Variants in TSPAN31 observed in about 807,000 individuals in gnomAD.
The protein encoded by TSPAN31 is tetraspanin 31, also known as tetraspanin-31.
Under a neutral mutation model 24.8 loss-of-function variants are expected in TSPAN31, and 16 were observed. The ratio of observed to expected loss-of-function variants is 0.64; its 90% confidence interval spans 0.44 to 0.98. TSPAN31 has a LOEUF of 0.98. Among genes scored for constraint, TSPAN31 ranks in the 50% least tolerant of loss-of-function variants. The pLI, the probability that TSPAN31 is intolerant of heterozygous loss-of-function variation, is 0.00. For synonymous variants in TSPAN31, 87 were observed against 91.4 expected, an observed-to-expected ratio of 0.95 and a Z score of 0.27; for missense variants, 209 against 251.6, an observed-to-expected ratio of 0.83 and a Z score of 1.15.
At chr12:57,746,000 G>C (rs1232409783) in intron 2 of TSPAN31, 88 bp downstream of exon 2, 13 of 1,511,170 alleles carry the variant, frequency 8.6e-6, no homozygotes, top group African/African-American at 1.4e-5. Flanking sequence ...GGACCTCAGG[G>C]ATCTTGGACA....
At chr12:57,745,298 G>C in intron 1 of TSPAN31, 81 bp downstream of exon 1, 1 of 1,427,120 alleles carries the variant, frequency 7.0e-7, no homozygotes, top group Non-Finnish European at 9.6e-7. Context: ...GGTGGGGAGA[G>C]GGGTGTATGG....
At position 57,749,159 on chromosome 12, in the gene TSPAN31, G is replaced by A. The variant is rs2140382501; in HGVS notation, c.*1869G>A. ...TTCCCCAGTCTCTATTTCTTTCCCT[G>A]TGCCCACAGCCATCTCCAGTACCAG... On this transcript the variant is annotated 3_prime_UTR_variant, in exon 6 of 6. Transcript: ENST00000257910. The A allele has an allele frequency of 6.2e-7, 1 of 1,613,832 alleles. No homozygotes were observed. Among genetic ancestry groups the A allele is most frequent in the Non-Finnish European group, 8.5e-7 (1 of 1,179,770 alleles).
rs568048822 is a variant in TSPAN31 at position 57,745,803 on chromosome 12, C to G, written c.122C>G (p.Ser41Cys). The change falls in exon 2 of 6, where the codon TCC (serine) becomes TGC (cysteine). Residue 41 changes from serine to cysteine, a missense_variant. By Grantham distance (112) the Ser-to-Cys change is moderately radical. Coordinates refer to ENST00000257910, the MANE Select transcript of TSPAN31 (RefSeq NM_005981.5). ...AAWGKGLGLVSSIHIIGGVIA... is the reference protein window; with the variant it reads ...AAWGKGLGLVCSIHIIGGVIA... Reference sequence around the variant, plus strand: ...TGGGGCAAGGGCCTGGGTCTGGTGTCCAGCATCCACATCATCGGCGGAGTC... The same window carrying G: ...TGGGGCAAGGGCCTGGGTCTGGTGTGCAGCATCCACATCATCGGCGGAGTC... 1 of 1,613,932 alleles carries G rather than the reference C, an allele frequency of 6.2e-7. No individual in the cohort carries two copies. Among genetic ancestry groups the G allele is most frequent in the Non-Finnish European group, 8.5e-7 (1 of 1,179,978 alleles).
At chr12:57,746,950 T>C (rs1955162230) in intron 4 of TSPAN31, 68 bp from the exon 5 acceptor site, 2 of 1,447,464 alleles carry the variant, frequency 1.4e-6, no homozygotes, top group Non-Finnish European at 1.9e-6. Flanking sequence ...CTAGGGACAT[T>C]CGGCATAGGT....
Position 57,747,337 on chromosome 12 carries a change from C to T in TSPAN31, c.*47C>T, listed in dbSNP as rs1426101948. The T allele has an allele frequency of 1.3e-6, 2 of 1,568,882 alleles. No individual in the cohort carries two copies. The highest frequency in any genetic ancestry group is 3.4e-5 in the Admixed American group (2 of 59,318). On this transcript the variant is annotated 3_prime_UTR_variant, in exon 6 of 6. Coordinates refer to ENST00000257910, the MANE Select transcript of TSPAN31 (RefSeq NM_005981.5). Reference sequence around the variant, plus strand: ...TTCTTCTGCTCTCTCTAAGCTTTCTCTTCCTCCCTTAGGGAATATCTAGGG... The same window carrying T: ...TTCTTCTGCTCTCTCTAAGCTTTCTTTTCCTCCCTTAGGGAATATCTAGGG...
rs1955214240 is a variant in TSPAN31, at chr12:57,750,010, C to A, written c.*2720C>A. On this transcript the variant is annotated 3_prime_UTR_variant, in exon 6 of 6. Transcript: ENST00000257910. ...GACTCCATCTAAAAAAAAAAAAAGC[C>A]AGTCATGGTGGCGTGCACCTGTAGT... 1.2e-5 allele frequency: 2 copies of A among 170,904 alleles called. No individual in the cohort carries two copies. The allele number at this position is 170,904 out of a possible 1,614,324, so 10.6% of individuals were successfully genotyped here. A position where few individuals can be genotyped will look rare whatever the true frequency, so the allele number is the denominator to read the frequency against.
intron 3 of TSPAN31, 21 bp downstream of exon 3, chr12:57,746,277 GTACT>G (rs766521224): frequency 2.8e-5 from 45 of 1,605,364 alleles, no homozygotes; most frequent in Non-Finnish European, 3.4e-5. Flanking sequence ...ACCCTTTCAA[GTACT>G]TACTTGCTTT....
chr12:57,749,427 T>C lies in TSPAN31; in HGVS notation c.*2137T>C. 1 of 1,613,826 alleles carries C rather than the reference T, an allele frequency of 6.2e-7. No individual in the cohort carries two copies. The highest frequency in any genetic ancestry group is 8.5e-7 in the Non-Finnish European group (1 of 1,179,726). Reference sequence around the variant, plus strand: ...CAGAAAGAGGACTCAGAATAGAAAATCTTTTTCTCCCATGTTGGTCACTTA... The same window carrying C: ...CAGAAAGAGGACTCAGAATAGAAAACCTTTTTCTCCCATGTTGGTCACTTA... On this transcript the variant is annotated 3_prime_UTR_variant, in exon 6 of 6. Coordinates refer to ENST00000257910, the MANE Select transcript of TSPAN31 (RefSeq NM_005981.5).
Position 57,748,506 on chromosome 12 carries a change from A to G in TSPAN31, c.*1216A>G, listed in dbSNP as rs1172367214. ...GGAAATGGCAGCTTTTCTTCCTTCC[A>G]TGGCAGCCACTCCATTGCTCACTCC... On this transcript the variant is annotated 3_prime_UTR_variant, in exon 6 of 6. Transcript: ENST00000257910. The G allele has an allele frequency of 1.4e-5, 22 of 1,576,868 alleles. No homozygotes were observed. Among genetic ancestry groups the G allele is most frequent in the Non-Finnish European group, 1.4e-5 (16 of 1,146,396 alleles).
chr12:57,747,111 CTCT>C lies in TSPAN31; in HGVS notation c.543_545del (p.Phe182del). 1 of 1,614,110 alleles carries C rather than the reference CTCT, an allele frequency of 6.2e-7. No homozygotes were observed. Among genetic ancestry groups the C allele is most frequent in the Non-Finnish European group, 8.5e-7 (1 of 1,179,976 alleles). On this transcript the variant is annotated inframe_deletion, in exon 5 of 6. Transcript: ENST00000257910. ...CCTGAAAATCCTAGGGGGTGTTGGACTCTTCTTTAGCTTTACAGAGGTAACATT... is the reference window on the plus strand; with the variant it reads ...CCTGAAAATCCTAGGGGGTGTTGGACTCTTTAGCTTTACAGAGGTAACATT...
At chr12:57,746,324 C>A (rs561349383) in intron 3 of TSPAN31, 68 bp downstream of exon 3, 3 of 1,439,076 alleles carry the variant, frequency 2.1e-6, no homozygotes, top group Admixed American at 1.7e-5. Context: ...GAACTCCTTC[C>A]TTAGTCTGGC....
At position 57,749,526 on chromosome 12, in the gene TSPAN31, G is replaced by A. The variant is rs1955207107; in HGVS notation, c.*2236G>A. On this transcript the variant is annotated 3_prime_UTR_variant, in exon 6 of 6. Coordinates refer to ENST00000257910, the MANE Select transcript of TSPAN31 (RefSeq NM_005981.5). ...AGGCCTAAGGTGAGAAGGGATATAA[G>A]GTAGCAGTCATTTTCAAAGATATCT... is the stretch of plus-strand genomic sequence containing the variant. 3.1e-6 allele frequency: 5 copies of A among 1,612,324 alleles called. No homozygotes were observed. Among genetic ancestry groups the A allele is most frequent in the Non-Finnish European group, 4.2e-6 (5 of 1,178,340 alleles).
At chr12:57,746,955 A>G in intron 4 of TSPAN31, 63 bp from the exon 5 acceptor site, 5 of 1,463,160 alleles carry the variant, frequency 3.4e-6, no homozygotes, top group East Asian at 4.5e-5. Context: ...GACATTCGGC[A>G]TAGGTATTAG....
intron 1 of TSPAN31, 44 bp downstream of exon 1, chr12:57,745,261 C>A (rs1314063685): frequency 3.8e-6 from 6 of 1,588,150 alleles, no homozygotes; most frequent in Non-Finnish European, 5.1e-6. Context: ...GGAAAGGCCC[C>A]GTGGGGAGAA....
Position 57,745,874 on chromosome 12 carries a change from G to T in TSPAN31, c.193G>T (p.Val65Leu). 1 of 1,612,704 alleles carries T rather than the reference G, an allele frequency of 6.2e-7. No individual in the cohort carries two copies. The highest frequency in any genetic ancestry group is 2.2e-5 in the East Asian group (1 of 44,884). The change falls in exon 2 of 6, where the codon GTG (valine) becomes TTG (leucine). Residue 65 changes from valine (V) to leucine (L), a missense_variant. Coordinates refer to ENST00000257910, the MANE Select transcript of TSPAN31 (RefSeq NM_005981.5). ...TCTCCTTATTGCAGTGGCTGGACTG[G>T]TGGGTGCTGTCAACCACCACCAAGT... ...FLLLIAVAGL[V>L]GAVNHHQVLL...
chr12:57,747,531 G>T lies in TSPAN31; in HGVS notation c.*241G>T. ...CTCCAAGAGGATATGGGAAGCTTCTGTGAGTGCATAGGATGGGGGCTGGAG... is the reference window on the plus strand; with the variant it reads ...CTCCAAGAGGATATGGGAAGCTTCTTTGAGTGCATAGGATGGGGGCTGGAG... On this transcript the variant is annotated 3_prime_UTR_variant, in exon 6 of 6. Coordinates refer to ENST00000257910, the MANE Select transcript of TSPAN31 (RefSeq NM_005981.5). 2.2e-6 allele frequency: 1 copy of T among 464,952 alleles called. No individual in the cohort carries two copies. Among genetic ancestry groups the T allele is most frequent in the South Asian group, 2.6e-5 (1 of 38,900 alleles). 28.8% of individuals were successfully genotyped at this position (464,952 alleles called of 1,614,324 possible).
Position 57,745,197 on chromosome 12 carries a change from G to A in TSPAN31, c.43G>A (p.Ala15Thr), listed in dbSNP as rs753456818. 1 of 1,608,902 alleles carries A rather than the reference G, an allele frequency of 6.2e-7. No homozygotes were observed. The highest frequency in any genetic ancestry group is 1.3e-5 in the African/African-American group (1 of 74,852). The change falls in exon 1 of 6, where the codon GCT becomes ACT. Residue 15 changes from alanine (A) to threonine (T), a missense_variant. Transcript: ENST00000257910. ...GFACSKNALCALNVVYMLVSL... is the reference protein window; with the variant it reads ...GFACSKNALCTLNVVYMLVSL... ...TGCCTGCTCCAAGAATGCGCTTTGCGCTCTCAACGTGGTCTACATGGTGAG... is the reference window on the plus strand; with the variant it reads ...TGCCTGCTCCAAGAATGCGCTTTGCACTCTCAACGTGGTCTACATGGTGAG...
rs1955139526 is a variant in TSPAN31, at chr12:57,745,740, C to T, written c.64-5C>T. The T allele has an allele frequency of 1.2e-6, 2 of 1,613,848 alleles. No homozygotes were observed. Among genetic ancestry groups the T allele is most frequent in the Non-Finnish European group, 8.5e-7 (1 of 1,179,986 alleles). On this transcript the variant is annotated splice_region_variant and splice_polypyrimidine_tract_variant and intron_variant, in intron 1 of 5. Transcript: ENST00000257910. Reference sequence around the variant, plus strand: ...GTTGAGATGTATCCTGCTCTTTCTTCGTAGCTGGTGAGCTTGTTGCTCATT... The same window carrying T: ...GTTGAGATGTATCCTGCTCTTTCTTTGTAGCTGGTGAGCTTGTTGCTCATT...
chr12:57,745,662 C>T (rs954179672), intron 1 of TSPAN31, 83 bp from the exon 2 acceptor site: 1 of 1,542,986 alleles, frequency 6.5e-7, no homozygotes, highest in Non-Finnish European at 8.9e-7. Context: ...CTTCCCCCTG[C>T]CCCGCTCCCA....
Sources: gnomAD v4.1 joint callset for allele counts on GRCh38, gnomAD v4.1.1 for gene constraint, MANE v1.5 for transcripts, NCBI Gene and HGNC (gene_info 2026-07-23, HGNC 2026-07-21) for gene names.